Variants in MEGF6 observed in about 807,000 individuals in gnomAD.
The protein encoded by MEGF6 is multiple EGF like domains 6.
Under a neutral mutation model 207.1 loss-of-function variants are expected in MEGF6, and 184 were observed. The observed-to-expected ratio is 0.89, with a 90% CI of 0.79 to 1.00. The LOEUF (loss-of-function observed/expected upper bound fraction) is 1.00. Among genes scored for constraint, MEGF6 ranks in the 50% least tolerant of loss-of-function variants. MEGF6 has a pLI of 0.00. For missense variants in MEGF6, 2,282 were observed against 2,202.9 expected, an observed-to-expected ratio of 1.04 and a Z score of -0.72; for synonymous variants, 1,038 against 910.0, an observed-to-expected ratio of 1.14 and a Z score of -2.53.
intron 24 of MEGF6, 48 bp from the exon 25 acceptor site, chr1:3,498,874 C>T: frequency 1.3e-6 from 2 of 1,539,130 alleles, no homozygotes; most frequent in South Asian, 1.2e-5. Context: ...GCCAGCTGGC[C>T]CCACAGGGTC....
intron 28 of MEGF6, 68 bp downstream of exon 28, chr1:3,496,920 A>G: frequency 2.6e-6 from 4 of 1,530,580 alleles, no homozygotes; most frequent in South Asian, 1.2e-5. Flanking sequence ...CCCGGGGACC[A>G]GGGGAACTGG....
chr1:3,570,145 A>T (rs1047670881), intron 4 of MEGF6, among the ~76,000 whole-genome samples: 9 of 152,174 alleles, frequency 5.9e-5, no homozygotes, highest in Admixed American at 5.9e-4. Flanking sequence ...GCATAGCAAG[A>T]TGGTCGTGGA....
At chr1:3,548,334 G>C (rs373016159) in intron 4 of MEGF6, among the ~76,000 whole-genome samples, 38 of 152,342 alleles carry the variant, frequency 2.5e-4, no homozygotes, top group African/African-American at 8.4e-4. Context: ...AGCCCCGGGC[G>C]GGGCCAAAGG....
rs148245338 is a variant in MEGF6, at chr1:3,607,251, G to A, written c.131+3887C>T. ...CAACCCCACCCTGGACCACCCAGCA[G>A]CCCTTCCCGCACATCACACCCGTCA... is the stretch of plus-strand genomic sequence containing the variant. On this transcript the variant is annotated intron_variant, in intron 1 of 36. Coordinates refer to ENST00000356575, the MANE Select transcript of MEGF6 (RefSeq NM_001409.4). 3.0e-3 allele frequency among the ~76,000 whole-genome samples: 451 copies of A among 150,220 alleles called. 1 individual carries two copies. The highest frequency in any genetic ancestry group is 0.01 in the African/African-American group (416 of 40,726).
At chr1:3,621,903 T>C in the MEGF6 span, among the ~76,000 whole-genome samples, 2 of 152,376 alleles carry the variant, frequency 1.3e-5, no homozygotes, top group African/African-American at 4.8e-5. Flanking sequence ...TTTAGCCCCT[T>C]TGTTTTGGCC....
chr1:3,530,416 T>TCCCTCCTCCAATTCCACC (rs1642111867), intron 4 of MEGF6, among the ~76,000 whole-genome samples: 1 of 151,770 alleles, frequency 6.6e-6, no homozygotes, highest in Non-Finnish European at 1.5e-5. Flanking sequence ...AACCCCACAC[T>TCCCTCCTCCAATTCCACC]CCCTCCTCCA....
chr1:3,621,510 T>C, the MEGF6 span, among the ~76,000 whole-genome samples: 1 of 152,264 alleles, frequency 6.6e-6, no homozygotes. Flanking sequence ...AATTAATGAT[T>C]AATGATATTT....
intron 4 of MEGF6, among the ~76,000 whole-genome samples, chr1:3,559,453 T>C (rs1236999912): frequency 2.7e-5 from 4 of 149,750 alleles, no homozygotes; most frequent in Non-Finnish European, 5.9e-5. Flanking sequence ...GCCCAGGAGT[T>C]TGAGGCTGCA....
the MEGF6 span, among the ~76,000 whole-genome samples, chr1:3,622,147 GGGGTA>G: frequency 2.0e-5 from 3 of 152,142 alleles, no homozygotes; most frequent in Non-Finnish European, 4.4e-5. Flanking sequence ...AGGAGGGGCC[GGGGTA>G]GAATGATATG....
intron 14 of MEGF6, among the ~76,000 whole-genome samples, chr1:3,507,438 C>T (rs994065358): frequency 6.6e-6 from 1 of 152,184 alleles, no homozygotes; most frequent in Non-Finnish European, 1.5e-5. Flanking sequence ...CCTCACCCAG[C>T]CATCACCAGC....
chr1:3,506,792 AC>A (rs1164341088), intron 14 of MEGF6, among the ~76,000 whole-genome samples: 1 of 151,998 alleles, frequency 6.6e-6, no homozygotes, highest in East Asian at 1.9e-4. Flanking sequence ...GGACCTGGAG[AC>A]TAGGCACAGT....
chr1:3,501,642 C>T (rs148646282), intron 18 of MEGF6, among the ~76,000 whole-genome samples, 154 bp downstream of exon 18: 1 of 152,098 alleles, frequency 6.6e-6, no homozygotes, highest in African/African-American at 2.4e-5. Flanking sequence ...CACAGACCCC[C>T]CCTCCCTACC....
chr1:3,619,201 G>C, the MEGF6 span, among the ~76,000 whole-genome samples: 1 of 152,196 alleles, frequency 6.6e-6, no homozygotes, highest in Non-Finnish European at 1.5e-5. Flanking sequence ...CCTGCTGACA[G>C]AAATGGAAAT....
Position 3,493,966 on chromosome 1 carries a change from C to T in MEGF6, c.4258+30G>A, listed in dbSNP as rs377693716. The stretch of plus-strand genomic sequence containing the variant: ...ACCCAGACGGGACGGGGCCAGGGAG[C>T]GGGGGTTCAGGGAGGCACCAAGCAC... On this transcript the variant is annotated intron_variant, in intron 33 of 36. Coordinates refer to ENST00000356575, the MANE Select transcript of MEGF6 (RefSeq NM_001409.4). 1,294 of 1,585,254 alleles carry T rather than the reference C, an allele frequency of 8.2e-4. 15 individuals carry two copies. The South Asian group carries it at 0.012, about 15-fold the overall frequency.
Position 3,505,255 on chromosome 1 carries a change from C to T in MEGF6, c.2141G>A (p.Cys714Tyr), listed in dbSNP as rs2100989985. Residue 714 changes from cysteine (C) to tyrosine (Y), a missense_variant, in exon 17 of 37, where the codon TGT becomes TAT. Transcript: ENST00000356575. ...GVACDSVSGE[C>Y]GKRCPAGFQG... ...GAAGCCAGCAGGACACCGCTTCCCACACTCGCCGCTCACGGAGTCACAGGC... is the reference window on the plus strand; with the variant it reads ...GAAGCCAGCAGGACACCGCTTCCCATACTCGCCGCTCACGGAGTCACAGGC... 6.2e-7 allele frequency: 1 copy of T among 1,612,554 alleles called. No homozygotes were observed. Among genetic ancestry groups the T allele is most frequent in the Non-Finnish European group, 8.5e-7 (1 of 1,179,882 alleles).
In MEGF6 at chr1:3,505,574, T is replaced by C. The variant is rs369186994; in HGVS notation, c.1919-18A>G. ...CGGGCAGGCTGCACCCACAGAACCGTTGAGGGGGGCTCCCGTCTGAAGCCC... is the reference window on the plus strand; with the variant it reads ...CGGGCAGGCTGCACCCACAGAACCGCTGAGGGGGGCTCCCGTCTGAAGCCC... On this transcript the variant is annotated intron_variant, in intron 15 of 36. Transcript: ENST00000356575. 6.7e-5 allele frequency: 103 copies of C among 1,548,290 alleles called. No homozygotes were observed. In the African/African-American group the frequency reaches 1.1e-3, roughly 17 times the overall value.
intron 18 of MEGF6, among the ~76,000 whole-genome samples, chr1:3,501,590 C>T (rs548565306): frequency 1.3e-3 from 192 of 152,196 alleles, no homozygotes; most frequent in Admixed American, 2.5e-3. Flanking sequence ...GGGAGCAGCC[C>T]GAGAGGGCAG....
intron 8 of MEGF6, 129 bp from the exon 9 acceptor site, chr1:3,511,816 G>C (rs1408957891): frequency 6.9e-7 from 1 of 1,459,090 alleles, no homozygotes; most frequent in East Asian, 2.4e-5. Flanking sequence ...CAGCAACATG[G>C]AGCTCCCAGG....
rs1384123732 is a variant in MEGF6, at chr1:3,560,081, A to C, written c.481+19744T>G. Among the ~76,000 whole-genome samples the C allele has an allele frequency of 6.6e-6, 1 of 150,468 alleles. No individual in the cohort carries two copies. Among genetic ancestry groups the C allele is most frequent in the East Asian group, 1.9e-4 (1 of 5,166 alleles). On this transcript the variant is annotated intron_variant, in intron 4 of 36. Coordinates refer to ENST00000356575, the MANE Select transcript of MEGF6 (RefSeq NM_001409.4). This position sits in a 1 kb window ranked among gnomAD's most constrained non-coding sequence, Gnocchi z 4.0. ...CTCCTGGGAGTCGGGAGGTGCTCTC[A>C]GGGCAGGAGAGGGCCTGGCAAGGTT...
Sources: allele counts gnomAD v4.1 joint callset (sites outside exome capture counted in the v4.1 genomes callset), GRCh38; gene constraint gnomAD v4.1.1; non-coding constraint Gnocchi (gnomAD v3.1); transcripts MANE v1.5; gene names NCBI Gene and HGNC (gene_info 2026-07-23, HGNC 2026-07-21).